The following GPAT3 variants were observed in gnomAD, a reference collection of about 807,000 sequenced individuals.
GPAT3 encodes 1-AGP acyltransferase 9.
GPAT3 carries 53 observed loss-of-function variants against 58.8 expected under a neutral mutation model. The observed-to-expected ratio is 0.90, with a 90% CI of 0.72 to 1.13. GPAT3 has a LOEUF of 1.13. Ranked by LOEUF, GPAT3 falls within the 50% of genes most tolerant of loss-of-function variation. GPAT3 has a pLI of 0.00. For missense variants in GPAT3, 511 were observed against 527.6 expected (o/e 0.97, Z 0.31); for synonymous variants, 197 against 187.4 (o/e 1.05, Z -0.42).
chr4:83,599,154 G>A (rs1270197277), intron 11 of GPAT3, among the ~76,000 whole-genome samples: 1 of 152,012 alleles, frequency 6.6e-6, no homozygotes, highest in African/African-American at 2.4e-5. Flanking sequence ...TATAGGTTTA[G>A]CTGAAAGTAA....
intron 2 of GPAT3, among the ~76,000 whole-genome samples, chr4:83,580,262 C>T (rs914941568): frequency 1.3e-5 from 2 of 152,048 alleles, no homozygotes; most frequent in Admixed American, 6.6e-5. Context: ...AAAACCTAAT[C>T]CTATTGTCTA....
intron 2 of GPAT3, among the ~76,000 whole-genome samples, chr4:83,569,030 T>C (rs1725508220): frequency 6.6e-6 from 1 of 152,222 alleles, no homozygotes; most frequent in Non-Finnish European, 1.5e-5. Context: ...TAATGCTTAC[T>C]GGTAATCAGT....
chr4:83,562,104 TAAGCA>T (rs1012166604), intron 2 of GPAT3, among the ~76,000 whole-genome samples: 2 of 147,166 alleles, frequency 1.4e-5, no homozygotes, highest in Non-Finnish European at 3.0e-5. Flanking sequence ...GAAGAAATTG[TAAGCA>T]AAGGCAGGAG....
intron 11 of GPAT3, among the ~76,000 whole-genome samples, chr4:83,602,192 A>G (rs1578203514): frequency 2.0e-5 from 3 of 152,216 alleles, no homozygotes. Flanking sequence ...TCCTGCTTCT[A>G]TCCTGAAGTC....
chr4:83,597,657 TC>T, intron 9 of GPAT3, 142 bp downstream of exon 9: 2 of 567,602 alleles, frequency 3.5e-6, no homozygotes, highest in Non-Finnish European at 6.0e-6. Flanking sequence ...GCACTTTGCC[TC>T]CCCTGCTTTC....
At chr4:83,565,644 T>G (rs1277870169) in intron 2 of GPAT3, among the ~76,000 whole-genome samples, 1 of 152,112 alleles carries the variant, frequency 6.6e-6, no homozygotes, top group East Asian at 1.9e-4. Flanking sequence ...TACAGGCACC[T>G]GCCATCATGC....
intron 3 of GPAT3, among the ~76,000 whole-genome samples, chr4:83,586,718 A>G (rs956355593): frequency 6.6e-5 from 10 of 152,220 alleles, no homozygotes; most frequent in African/African-American, 2.4e-4. Flanking sequence ...GCACTTTTCA[A>G]AAAGAAGGCA....
chr4:83,540,215 T>C (rs1475421715), intron 1 of GPAT3, among the ~76,000 whole-genome samples: 1 of 152,016 alleles, frequency 6.6e-6, no homozygotes, highest in Non-Finnish European at 1.5e-5. Context: ...TGGTGAATTT[T>C]GGACAGCTAC....
At position 83,604,874 on chromosome 4, in the gene GPAT3, C is replaced by A. The variant is rs1488229956; in HGVS notation, c.*107C>A. ...TTGTTTTTATTATTGTTAATCTTTT[C>A]TACAGAATGATTGTCTCTACCTCTT... On this transcript the variant is annotated 3_prime_UTR_variant, in exon 12 of 12. Coordinates refer to ENST00000264409, the MANE Select transcript of GPAT3 (RefSeq NM_032717.5). 1 of 945,314 alleles carries A rather than the reference C, an allele frequency of 1.1e-6. No homozygotes were observed. Among genetic ancestry groups the A allele is most frequent in the Non-Finnish European group, 1.6e-6 (1 of 640,448 alleles). 58.6% of individuals were successfully genotyped at this position (945,314 alleles called of 1,614,324 possible).
At chr4:83,591,416 G>A (rs552445431) in intron 6 of GPAT3, among the ~76,000 whole-genome samples, 13 of 152,202 alleles carry the variant, frequency 8.5e-5, no homozygotes, top group African/African-American at 2.6e-4. Context: ...TCTAAATAAT[G>A]GAGCTCTTTC....
chr4:83,545,724 T>A (rs1320778807), intron 2 of GPAT3, among the ~76,000 whole-genome samples: 1 of 152,170 alleles, frequency 6.6e-6, no homozygotes, highest in Admixed American at 6.5e-5. Flanking sequence ...ATCCTTTTTT[T>A]AATTGCCAGA....
chr4:83,547,336 TC>T (rs1481516148), intron 2 of GPAT3, among the ~76,000 whole-genome samples: 1 of 139,742 alleles, frequency 7.2e-6, no homozygotes, highest in Non-Finnish European at 1.5e-5. Flanking sequence ...CACTGCAAGC[TC>T]CGCCTCCCAG....
At chr4:83,570,971 C>G (rs185617017) in intron 2 of GPAT3, among the ~76,000 whole-genome samples, 2 of 152,230 alleles carry the variant, frequency 1.3e-5, no homozygotes, top group Admixed American at 6.5e-5. Context: ...CAGTATCTGC[C>G]CTTCATCTCT....
At chr4:83,604,574 G>A in intron 11 of GPAT3, 94 bp from the exon 12 acceptor site, 1 of 914,494 alleles carries the variant, frequency 1.1e-6, no homozygotes, top group Non-Finnish European at 1.6e-6. Context: ...AGCTGCCTAA[G>A]CGTCATGGTA....
intron 2 of GPAT3, among the ~76,000 whole-genome samples, chr4:83,547,330 G>A (rs1166923347): frequency 7.2e-6 from 1 of 138,030 alleles, no homozygotes; most frequent in African/African-American, 2.8e-5. Flanking sequence ...TCGGCTCACT[G>A]CAAGCTCCGC....
chr4:83,548,487 T>G (rs1369547110), intron 2 of GPAT3, among the ~76,000 whole-genome samples: 1 of 152,198 alleles, frequency 6.6e-6, no homozygotes, highest in African/African-American at 2.4e-5. Flanking sequence ...AATTGTACTC[T>G]AATTGCATTA....
At chr4:83,550,700 C>T (rs1724719767) in intron 2 of GPAT3, among the ~76,000 whole-genome samples, 1 of 152,160 alleles carries the variant, frequency 6.6e-6, no homozygotes, top group Non-Finnish European at 1.5e-5. Flanking sequence ...CTAACAGTCT[C>T]AAAATGTCTT....
At chr4:83,589,714 C>T (rs1024772905) in intron 5 of GPAT3, among the ~76,000 whole-genome samples, 9 of 152,028 alleles carry the variant, frequency 5.9e-5, no homozygotes, top group African/African-American at 2.2e-4. Context: ...AAATCATGGG[C>T]CCCCTACCAC....
At chr4:83,562,214 TA>T (rs1725182960) in intron 2 of GPAT3, among the ~76,000 whole-genome samples, 1 of 77,118 alleles carries the variant, frequency 1.3e-5, no homozygotes, top group East Asian at 3.8e-4. Flanking sequence ...ATATATATTA[TA>T]TATATATATA....
Sources: allele counts gnomAD v4.1 joint callset (sites outside exome capture counted in the v4.1 genomes callset), GRCh38; gene constraint gnomAD v4.1.1; transcripts MANE v1.5; gene names NCBI Gene and HGNC (gene_info 2026-07-23, HGNC 2026-07-21).